Variants in NPAS2 observed in about 807,000 individuals in gnomAD.
NPAS2 encodes neuronal PAS domain-containing protein 2.
Under a neutral mutation model 107.5 loss-of-function variants are expected in NPAS2, and 23 were observed. The observed-to-expected ratio is 0.21, with a 90% CI of 0.15 to 0.30. The LOEUF (loss-of-function observed/expected upper bound fraction) is 0.30. Among genes scored for constraint, NPAS2 ranks in the 10% least tolerant of loss-of-function variants. The probability of loss-of-function intolerance (pLI) is 1.00; values close to 1 mark genes in which losing one functional copy is unlikely to be tolerated. For synonymous variants in NPAS2, 403 were observed against 417.5 expected (o/e 0.97, Z 0.42); for missense variants, 756 against 1,043.3 (o/e 0.72, Z 3.79).
chr2:100,835,203 C>T (rs572470069), intron 1 of NPAS2, among the ~76,000 whole-genome samples: 14 of 152,230 alleles, frequency 9.2e-5, no homozygotes, highest in Admixed American at 6.5e-4. Context: ...CACCGGGGCG[C>T]AGATAAGTTA....
intron 7 of NPAS2, among the ~76,000 whole-genome samples, chr2:100,958,681 G>A (rs570675343): frequency 1.3e-5 from 2 of 152,270 alleles, no homozygotes; most frequent in African/African-American, 2.4e-5. Context: ...CTTTCTGCTC[G>A]TTTCAGTCTG....
In NPAS2 at chr2:100,995,541, AG is replaced by A. The variant is rs1212136372; in HGVS notation, c.2435del (p.Ser812IlefsTer26). The A allele has an allele frequency of 1.9e-6, 3 of 1,610,514 alleles. No individual in the cohort carries two copies. Among genetic ancestry groups the A allele is most frequent in the Non-Finnish European group, 1.7e-6 (2 of 1,178,466 alleles). ...QPLRPPRRVS[S>X]LSESSGLQQP... Reference sequence around the variant, plus strand: ...CCTACGTCCTCCCCGAAGGGTCAGCAGTCTGTCTGAGTCGTCAGGCCTCCAG... The same window carrying A: ...CCTACGTCCTCCCCGAAGGGTCAGCATCTGTCTGAGTCGTCAGGCCTCCAG... On this transcript the variant is annotated frameshift_variant, in exon 21 of 21. Transcript: ENST00000335681. LOFTEE classifies it high-confidence loss of function.
chr2:100,880,802 G>T (rs1251007515), intron 1 of NPAS2, among the ~76,000 whole-genome samples: 1 of 152,188 alleles, frequency 6.6e-6, no homozygotes, highest in Non-Finnish European at 1.5e-5. Flanking sequence ...GTCATTCTGT[G>T]TGACCCCTGG....
chr2:100,855,367 C>G (rs1202537745), intron 1 of NPAS2, among the ~76,000 whole-genome samples: 1 of 152,178 alleles, frequency 6.6e-6, no homozygotes, highest in Non-Finnish European at 1.5e-5. Flanking sequence ...AAGGCCTCGA[C>G]CGCGGGTAGA....
chr2:100,987,784 A>G (rs11123858), intron 16 of NPAS2: 26,908 of 403,642 alleles, frequency 0.067, 1,054 homozygotes, highest in African/African-American at 0.093. Flanking sequence ...AGTACATCAC[A>G]TTATTTAGAG....
At chr2:100,926,359 C>G (rs536729331) in intron 3 of NPAS2, among the ~76,000 whole-genome samples, 1 of 152,266 alleles carries the variant, frequency 6.6e-6, no homozygotes, top group South Asian at 2.1e-4. Flanking sequence ...AAACTGTTTT[C>G]CAAGGTGGCT....
intron 1 of NPAS2, among the ~76,000 whole-genome samples, chr2:100,900,014 CAT>C (rs778982762): frequency 6.6e-6 from 1 of 152,122 alleles, no homozygotes; most frequent in Non-Finnish European, 1.5e-5. Flanking sequence ...TAGAGGAAAA[CAT>C]AGGATAATTC....
At chr2:100,918,777 A>G (rs907718100) in intron 2 of NPAS2, among the ~76,000 whole-genome samples, 1 of 152,240 alleles carries the variant, frequency 6.6e-6, no homozygotes, top group Non-Finnish European at 1.5e-5. Flanking sequence ...AGAACGCTGG[A>G]TCACTCATAC....
At chr2:100,939,010 G>C (rs1674409390) in intron 5 of NPAS2, among the ~76,000 whole-genome samples, 2 of 152,250 alleles carry the variant, frequency 1.3e-5, no homozygotes, top group East Asian at 1.9e-4. Flanking sequence ...GAGGACCGCG[G>C]TTCCCTCTCC....
In NPAS2 at chr2:100,974,690, G is replaced by C. The variant is rs1676846412; in HGVS notation, c.1141-113G>C. 3 of 1,156,714 alleles carry C rather than the reference G, an allele frequency of 2.6e-6. No homozygotes were observed. The African/African-American group carries it at 4.6e-5, about 18-fold the overall frequency. 71.7% of individuals were successfully genotyped at this position (1,156,714 alleles called of 1,614,324 possible). A position where few individuals can be genotyped will look rare whatever the true frequency, so the allele number is the denominator to read the frequency against. ...TTTGGAATCGTCCCCAAACAACTAT[G>C]GTATTTGTCTCAGCAGCTTCTGAGG... On this transcript the variant is annotated intron_variant, in intron 12 of 20. Coordinates refer to ENST00000335681, the MANE Select transcript of NPAS2 (RefSeq NM_002518.4).
chr2:100,882,401 A>C (rs1198742147), intron 1 of NPAS2, among the ~76,000 whole-genome samples: 1 of 152,208 alleles, frequency 6.6e-6, no homozygotes, highest in African/African-American at 2.4e-5. Flanking sequence ...CAAGGTCAGG[A>C]GTTCGAGACC....
intron 1 of NPAS2, among the ~76,000 whole-genome samples, chr2:100,853,132 A>G (rs1306574771): frequency 2.6e-5 from 4 of 152,196 alleles, no homozygotes; most frequent in Non-Finnish European, 5.9e-5. Context: ...TCATAAGACT[A>G]TCCATTGTGA....
At chr2:100,827,934 G>C (rs1340922532) in intron 1 of NPAS2, among the ~76,000 whole-genome samples, 1 of 152,192 alleles carries the variant, frequency 6.6e-6, no homozygotes, top group Non-Finnish European at 1.5e-5. Context: ...ACTACTATCA[G>C]TAGTGGGATG....
In NPAS2 at chr2:100,904,806, C is replaced by G; in HGVS notation, c.32+20C>G. 3 of 1,591,806 alleles carry G rather than the reference C, an allele frequency of 1.9e-6. No individual in the cohort carries two copies. Among genetic ancestry groups the G allele is most frequent in the Non-Finnish European group, 2.6e-6 (3 of 1,163,440 alleles). On this transcript the variant is annotated intron_variant, in intron 2 of 20. Transcript: ENST00000335681. ...CAAGAGGTAAGATGCAGCTGTCCCC[C>G]TGCTCAGCAGAGCTCTCTGGCCCCC...
intron 3 of NPAS2, among the ~76,000 whole-genome samples, chr2:100,931,049 C>CCTCTCT (rs1683913556): frequency 1.3e-5 from 2 of 152,146 alleles, no homozygotes. Flanking sequence ...GGAGTTGCAC[C>CCTCTCT]CTCTCTTCCT....
intron 15 of NPAS2, among the ~76,000 whole-genome samples, chr2:100,981,532 G>A (rs1052194019): frequency 6.6e-6 from 1 of 152,154 alleles, no homozygotes; most frequent in Non-Finnish European, 1.5e-5. Context: ...AAAGGATTAA[G>A]GGTCCAAAGG....
At chr2:100,846,004 T>C (rs1677750192) in intron 1 of NPAS2, among the ~76,000 whole-genome samples, 2 of 152,210 alleles carry the variant, frequency 1.3e-5, no homozygotes, top group Non-Finnish European at 2.9e-5. Flanking sequence ...TTCAATGCTG[T>C]GGCTTCCCCA....
intron 1 of NPAS2, among the ~76,000 whole-genome samples, chr2:100,860,781 C>T (rs768975499): frequency 3.3e-5 from 5 of 152,128 alleles, no homozygotes; most frequent in African/African-American, 4.8e-5. Flanking sequence ...CTGACGTGTC[C>T]GCATCATTCT....
At chr2:100,893,374 A>G (rs1237446120) in intron 1 of NPAS2, among the ~76,000 whole-genome samples, 4 of 152,090 alleles carry the variant, frequency 2.6e-5, no homozygotes, top group African/African-American at 9.7e-5. Flanking sequence ...TATGATTCCA[A>G]CTTGTTCTTG....
Sources: gnomAD v4.1 joint callset for allele counts (sites outside exome capture counted in the v4.1 genomes callset) on GRCh38, gnomAD v4.1.1 for gene constraint, MANE v1.5 for transcripts, NCBI Gene and HGNC (gene_info 2026-07-23, HGNC 2026-07-21) for gene names.